HDGFL2: variants seen among roughly 807,000 people sequenced by gnomAD.
HDGFL2 encodes hepatoma-derived growth factor-related protein 2.
In HDGFL2, 36 loss-of-function variants were observed where a neutral mutation model predicts 77.1. The ratio of observed to expected loss-of-function variants is 0.47; its 90% CI spans 0.36 to 0.62. The LOEUF (loss-of-function observed/expected upper bound fraction) is 0.62. HDGFL2 is among the 20% of genes least tolerant of loss of function. HDGFL2 has a pLI of 0.00. For missense variants in HDGFL2, 976 were observed against 973.4 expected (o/e 1.00, Z -0.04); for synonymous variants, 463 against 413.1 (o/e 1.12, Z -1.46).
intron 1 of HDGFL2, chr19:4,474,950 G>T: frequency 4.6e-6 from 1 of 216,092 alleles, no homozygotes; most frequent in Non-Finnish European, 9.1e-6. Flanking sequence ...GGGTCCCCAG[G>T]AAAGGTCCTG....
chr19:4,476,233 G>T (rs1975070550), intron 3 of HDGFL2, among the ~76,000 whole-genome samples: 1 of 115,746 alleles, frequency 8.6e-6, no homozygotes, highest in African/African-American at 3.4e-5. Flanking sequence ...TTGCTCTGTT[G>T]CCCAGGCTGG....
In HDGFL2 at chr19:4,493,795, C is replaced by T. The variant is rs1401824508; in HGVS notation, c.771C>T (p.Ser257=). 1.3e-6 allele frequency: 2 copies of T among 1,542,882 alleles called. No individual in the cohort carries two copies. The highest frequency in any genetic ancestry group is 2.4e-5 in the South Asian group (2 of 83,346). Residue 257 remains serine, a synonymous_variant, in exon 7 of 16, where the codon TCC becomes TCT. Coordinates refer to ENST00000616600, the MANE Select transcript of HDGFL2 (RefSeq NM_001001520.3). ...CCATGGCGCGGTCGGCGTCCTCCTCCTCCTCTTCCTCCTCCTCCTCCGACT... is the reference window on the plus strand; with the variant it reads ...CCATGGCGCGGTCGGCGTCCTCCTCTTCCTCTTCCTCCTCCTCCTCCGACT... ...PVAMARSASS[S]SSSSSSSDSD...
chr19:4,490,003 A>G (rs1975464940), intron 4 of HDGFL2, among the ~76,000 whole-genome samples: 1 of 152,174 alleles, frequency 6.6e-6, no homozygotes, highest in Non-Finnish European at 1.5e-5. Context: ...CACACACTGC[A>G]TAGCCTTTGT....
rs1975794375 is a variant in HDGFL2 at position 4,499,407 on chromosome 19, G to C, written c.1576-84G>C. ...TGCTCCCGGGAGGGGCTGCGGGAGG[G>C]GCGCATTGCTGGGGCGAGGGGTTCA... On this transcript the variant is annotated intron_variant, in intron 13 of 15. Coordinates refer to ENST00000616600, the MANE Select transcript of HDGFL2 (RefSeq NM_001001520.3). The C allele has an allele frequency of 2.3e-5, 28 of 1,231,534 alleles. 1 individual carries two copies. The South Asian group carries it at 3.9e-4, about 17-fold the overall frequency. 76.3% of individuals were successfully genotyped at this position (1,231,534 alleles called of 1,614,324 possible).
At chr19:4,498,404 G>A (rs1223403865) in intron 12 of HDGFL2, 28 bp downstream of exon 12, 3 of 1,563,388 alleles carry the variant, frequency 1.9e-6, no homozygotes, top group Non-Finnish European at 1.8e-6. Context: ...TGTGAGCCAA[G>A]CAGTCCCCGC....
intron 3 of HDGFL2, among the ~76,000 whole-genome samples, chr19:4,482,696 CG>C (rs2076543434): frequency 1.3e-5 from 2 of 152,212 alleles, no homozygotes; most frequent in African/African-American, 4.8e-5. Flanking sequence ...AAGACCTGCT[CG>C]TGCTTTCATC....
intron 8 of HDGFL2, 42 bp downstream of exon 8, chr19:4,494,099 C>G: frequency 6.5e-7 from 1 of 1,532,544 alleles, no homozygotes; most frequent in Non-Finnish European, 8.8e-7. Flanking sequence ...GCTCCTCCAT[C>G]GGCTGAGGGG....
intron 6 of HDGFL2, among the ~76,000 whole-genome samples, chr19:4,493,086 TTA>T (rs1975580065): frequency 5.0e-5 from 1 of 20,162 alleles, no homozygotes; most frequent in African/African-American, 2.9e-4. Context: ...TGTGTGTGTG[TTA>T]TCTGTGTGGT....
At chr19:4,483,505 C>T (rs1349444917) in intron 3 of HDGFL2, among the ~76,000 whole-genome samples, 1 of 152,224 alleles carries the variant, frequency 6.6e-6, no homozygotes, top group East Asian at 1.9e-4. Context: ...CCGGGCATTT[C>T]TACTCAGACG....
intron 4 of HDGFL2, among the ~76,000 whole-genome samples, chr19:4,489,783 C>T (rs144068463): frequency 6.6e-6 from 1 of 152,284 alleles, no homozygotes; most frequent in Non-Finnish European, 1.5e-5. Context: ...TGAGATTCAT[C>T]CTTCCTGAAT....
Position 4,475,602 on chromosome 19 carries a change from G to A in HDGFL2, c.288+19G>A. 1.3e-6 allele frequency: 2 copies of A among 1,559,308 alleles called. No individual in the cohort carries two copies. The highest frequency in any genetic ancestry group is 2.2e-5 in the East Asian group (1 of 44,556). The stretch of plus-strand genomic sequence containing the variant: ...CCCTCCGGTGAGTACCCGGGGTGGA[G>A]AGCCAGTGTGAAGCGCGCTACTGAT... On this transcript the variant is annotated intron_variant, in intron 3 of 15. Coordinates refer to ENST00000616600, the MANE Select transcript of HDGFL2 (RefSeq NM_001001520.3).
Position 4,502,049 on chromosome 19 carries a change from G to C in HDGFL2, c.*39G>C. The C allele has an allele frequency of 7.1e-7, 1 of 1,415,202 alleles. No individual in the cohort carries two copies. The highest frequency in any genetic ancestry group is 9.6e-7 in the Non-Finnish European group (1 of 1,036,604). 87.7% of individuals were successfully genotyped at this position (1,415,202 alleles called of 1,614,324 possible). A position where few individuals can be genotyped will look rare whatever the true frequency, so the allele number is the denominator to read the frequency against. ...AGGCCCAGCCCCCGCCCGAGCTCAG[G>C]CTGCCCCTCTCCTTCCCCGGCTCGC... On this transcript the variant is annotated 3_prime_UTR_variant, in exon 16 of 16. Transcript: ENST00000616600.
rs1370211468 is a variant in HDGFL2 at position 4,501,189 on chromosome 19, A to C, written c.1790-2A>C. On this transcript the variant is annotated splice_acceptor_variant, in intron 14 of 15. Coordinates refer to ENST00000616600, the MANE Select transcript of HDGFL2 (RefSeq NM_001001520.3). LOFTEE classifies it high-confidence loss of function. ...GTCCTGTGACCCCTCTGTCCCACCCAGATCTCTCAGCCCCAGTGAATGGCG... is the reference window on the plus strand; with the variant it reads ...GTCCTGTGACCCCTCTGTCCCACCCCGATCTCTCAGCCCCAGTGAATGGCG... 1.2e-6 allele frequency: 2 copies of C among 1,613,246 alleles called. No individual in the cohort carries two copies. The highest frequency in any genetic ancestry group is 4.5e-5 in the East Asian group (2 of 44,868).
intron 9 of HDGFL2, among the ~76,000 whole-genome samples, chr19:4,494,854 A>G (rs1467428214): frequency 1.3e-5 from 2 of 151,962 alleles, no homozygotes; most frequent in East Asian, 3.9e-4. Context: ...CAGGAGTTGG[A>G]GGCTGCAGTG....
In HDGFL2 at chr19:4,488,687, C is replaced by A. The variant is rs1205413479; in HGVS notation, c.300C>A (p.Ser100=). 3 of 1,544,798 alleles carry A rather than the reference C, an allele frequency of 1.9e-6. No homozygotes were observed. In the Admixed American group the frequency reaches 5.9e-5, roughly 30 times the overall value. The change falls in exon 4 of 16, where the codon TCC becomes TCA. Residue 100 remains serine (S), a synonymous_variant. Transcript: ENST00000616600. ...CCCGACTCCCACAGCCAGTGAGCTCCTCCGACAGCGAGGCCCCCGAGGCCA... is the reference window on the plus strand; with the variant it reads ...CCCGACTCCCACAGCCAGTGAGCTCATCCGACAGCGAGGCCCCCGAGGCCA... The part of the protein sequence containing the change: ...ASYSAPPPVS[S]SDSEAPEANP...
Position 4,494,284 on chromosome 19 carries a change from CA to C in HDGFL2, c.1034del (p.Gln345ArgfsTer101). 6.9e-7 allele frequency: 1 copy of C among 1,450,392 alleles called. No homozygotes were observed. The highest frequency in any genetic ancestry group is 9.0e-7 in the Non-Finnish European group (1 of 1,105,528). 89.8% of individuals were successfully genotyped at this position (1,450,392 alleles called of 1,614,324 possible). A position where few individuals can be genotyped will look rare whatever the true frequency, so the allele number is the denominator to read the frequency against. On this transcript the variant is annotated frameshift_variant, in exon 9 of 16. Coordinates refer to ENST00000616600, the MANE Select transcript of HDGFL2 (RefSeq NM_001001520.3). LOFTEE classifies it high-confidence loss of function. ...QEEELRRLREQEKEEKERRRE... is the reference protein window; with the variant it reads ...QEEELRRLREXEKEEKERRRE... Reference sequence around the variant, plus strand: ...GGAGGAGCTGCGGCGCCTGCGGGAGCAGGAGAAGGAGGAGAAGGAGCGGAGG... The same window carrying C: ...GGAGGAGCTGCGGCGCCTGCGGGAGCGGAGAAGGAGGAGAAGGAGCGGAGG...
intron 6 of HDGFL2, among the ~76,000 whole-genome samples, chr19:4,492,928 G>C (rs1283865050): frequency 7.4e-6 from 1 of 134,486 alleles, no homozygotes; most frequent in African/African-American, 2.8e-5. Context: ...GTGTGTATCT[G>C]TGTGTGTGGT....
chr19:4,489,222 G>A (rs1210532750), intron 4 of HDGFL2, among the ~76,000 whole-genome samples: 1 of 151,056 alleles, frequency 6.6e-6, no homozygotes, highest in Non-Finnish European at 1.5e-5. Flanking sequence ...CAAAGTGCTG[G>A]GATTACAGTC....
chr19:4,492,942 TGTGTGTGGTGCGTGTGAGTTGTCTGTG>T (rs1975569212), intron 6 of HDGFL2, among the ~76,000 whole-genome samples: 1 of 131,960 alleles, frequency 7.6e-6, no homozygotes, highest in African/African-American at 3.1e-5. Context: ...GTGTGGTGTG[TGTGTGTGGTGCGTGTGAGTTGTCTGTG>T]GTGTGTGGTG....
Sources: gnomAD v4.1 joint callset for allele counts (sites outside exome capture counted in the v4.1 genomes callset) on GRCh38, gnomAD v4.1.1 for gene constraint, MANE v1.5 for transcripts, NCBI Gene and HGNC (gene_info 2026-07-23, HGNC 2026-07-21) for gene names.